Variants in FREM1 observed in about 807,000 individuals in gnomAD.
The protein encoded by FREM1 is FRAS1-related extracellular matrix protein 1.
In FREM1, 220 loss-of-function variants were observed where a neutral mutation model predicts 210.1. The observed-to-expected ratio is 1.05, with a 90% CI of 0.94 to 1.17. The LOEUF is 1.17. Among genes scored for constraint, FREM1 ranks in the 50% most tolerant of loss-of-function variants. The pLI is 0.00. For missense variants in FREM1, 3,454 were observed against 2,675.5 expected, an observed-to-expected ratio of 1.29 and a Z score of -6.42; for synonymous variants, 1,189 against 980.2, an observed-to-expected ratio of 1.21 and a Z score of -3.98.
intron 13 of FREM1, among the ~76,000 whole-genome samples, chr9:14,821,214 T>C (rs2130756476): frequency 6.6e-6 from 1 of 152,286 alleles, no homozygotes; most frequent in East Asian, 1.9e-4. Context: ...CTGAAGCTGC[T>C]AATTTAATTT....
At chr9:14,857,770 T>C in intron 4 of FREM1, 21 bp from the exon 5 acceptor site, 1 of 1,532,494 alleles carries the variant, frequency 6.5e-7, no homozygotes, top group Non-Finnish European at 8.8e-7. Flanking sequence ...CAGCACTGGA[T>C]TAAGAGAGTC....
intron 6 of FREM1, among the ~76,000 whole-genome samples, chr9:14,850,734 A>T (rs1313433227): frequency 1.3e-5 from 2 of 152,160 alleles, no homozygotes; most frequent in East Asian, 3.8e-4. Context: ...CACCAAAAAA[A>T]TTTTGTTAAA....
intron 1 of FREM1, among the ~76,000 whole-genome samples, chr9:14,908,665 G>T (rs1206792485): frequency 1.3e-5 from 2 of 152,166 alleles, no homozygotes; most frequent in Admixed American, 6.5e-5. Context: ...TCAAACTCAG[G>T]TTTCTTATTT....
rs570025888 is a variant in FREM1, at chr9:14,857,735, G to C, written c.646C>G (p.Leu216Val). Residue 216 changes from leucine (L) to valine (V), a missense_variant, in exon 5 of 37, where the codon CTG becomes GTG. Transcript: ENST00000380880. ...FFPESQLRAK[L>V]KCPGGSCTPG... ...GTACAGCTCCCACCTGGACACTTCA[G>C]TTTTGCTCTCAGTTCTAGAATGTAC... The C allele has an allele frequency of 8.1e-6, 13 of 1,603,716 alleles. No homozygotes were observed. The African/African-American group carries it at 1.1e-4, about 13-fold the overall frequency.
chr9:14,802,705 C>G (rs1207183602), intron 19 of FREM1, among the ~76,000 whole-genome samples: 1 of 152,180 alleles, frequency 6.6e-6, no homozygotes, highest in South Asian at 2.1e-4. Flanking sequence ...TGAAATATAG[C>G]AAAATCTAAA....
intron 1 of FREM1, among the ~76,000 whole-genome samples, chr9:14,869,469 C>T (rs932164914): frequency 6.6e-5 from 10 of 152,182 alleles, no homozygotes; most frequent in African/African-American, 2.2e-4. Flanking sequence ...ATACCGCTTC[C>T]GGACTTGACA....
intron 24 of FREM1, among the ~76,000 whole-genome samples, chr9:14,777,336 A>G (rs1434874190): frequency 6.6e-6 from 1 of 152,208 alleles, no homozygotes; most frequent in African/African-American, 2.4e-5. Flanking sequence ...AATAAGATTA[A>G]GAGTATCATG....
intron 22 of FREM1, among the ~76,000 whole-genome samples, 152 bp downstream of exon 22, chr9:14,792,591 A>G (rs182535033): frequency 2.4e-4 from 36 of 152,348 alleles, no homozygotes; most frequent in African/African-American, 7.2e-4. Flanking sequence ...TTAGAACAGC[A>G]TGAATTCACC....
chr9:14,871,120 T>C (rs1488530539), intron 1 of FREM1, among the ~76,000 whole-genome samples: 3 of 152,174 alleles, frequency 2.0e-5, no homozygotes, highest in Admixed American at 2.0e-4. Flanking sequence ...AACATACGTG[T>C]GCATGTGTCT....
At chr9:14,800,391 C>G (rs1284883557) in intron 20 of FREM1, among the ~76,000 whole-genome samples, 1 of 152,122 alleles carries the variant, frequency 6.6e-6, no homozygotes, top group East Asian at 1.9e-4. Flanking sequence ...ACACTTTTCT[C>G]AGATTTTTAA....
Position 14,750,294 on chromosome 9 carries a change from T to A in FREM1, c.5408-18A>T, listed in dbSNP as rs771708889. On this transcript the variant is annotated intron_variant, in intron 29 of 36. Coordinates refer to ENST00000380880, the MANE Select transcript of FREM1 (RefSeq NM_001379081.2). The stretch of plus-strand genomic sequence containing the variant: ...TGACATTCCTACAAGAAGTAAACAT[T>A]TTAATTACTCTTTAATTGCTATTTC... 1.3e-6 allele frequency: 2 copies of A among 1,583,302 alleles called. No homozygotes were observed.
chr9:14,763,578 T>C (rs1845884053), intron 27 of FREM1, among the ~76,000 whole-genome samples: 2 of 152,182 alleles, frequency 1.3e-5, no homozygotes, highest in African/African-American at 2.4e-5. Flanking sequence ...AGACATGGCA[T>C]GGAGCAGTGG....
chr9:14,796,402 T>C (rs1275964880), intron 21 of FREM1, among the ~76,000 whole-genome samples: 1 of 152,228 alleles, frequency 6.6e-6, no homozygotes, highest in Non-Finnish European at 1.5e-5. Context: ...CTCTGTTCAG[T>C]TCTGTAGACT....
intron 19 of FREM1, among the ~76,000 whole-genome samples, chr9:14,804,579 C>T (rs1818010380): frequency 6.6e-6 from 1 of 152,066 alleles, no homozygotes; most frequent in Non-Finnish European, 1.5e-5. Context: ...AGCGGGACTC[C>T]ATCTCAAAAA....
At chr9:14,907,032 C>T (rs1817837279) in intron 1 of FREM1, among the ~76,000 whole-genome samples, 1 of 152,194 alleles carries the variant, frequency 6.6e-6, no homozygotes, top group Admixed American at 6.5e-5. Flanking sequence ...ATATCATCAC[C>T]TCCATAAATA....
intron 36 of FREM1, among the ~76,000 whole-genome samples, chr9:14,738,869 G>C (rs896261399): frequency 6.6e-6 from 1 of 151,744 alleles, no homozygotes. Flanking sequence ...ACTTAGCCAG[G>C]TGTGGTAGTG....
At chr9:14,879,157 C>CAA (rs78563904) in intron 1 of FREM1, among the ~76,000 whole-genome samples, 4,004 of 104,366 alleles carry the variant, frequency 0.038, 229 homozygotes, top group African/African-American at 0.11. Context: ...GATTCCGTCT[C>CAA]AAAAAAAAAA....
chr9:14,901,292 CT>C (rs1246507199), intron 1 of FREM1, among the ~76,000 whole-genome samples: 4 of 152,206 alleles, frequency 2.6e-5, no homozygotes, highest in African/African-American at 7.2e-5. Flanking sequence ...TTTAAACCTT[CT>C]GATCTGTAAA....
chr9:14,822,716 G>A (rs1046075395), intron 13 of FREM1, among the ~76,000 whole-genome samples: 3 of 152,194 alleles, frequency 2.0e-5, no homozygotes, highest in South Asian at 2.1e-4. Context: ...AGGGCAGTGG[G>A]GCAAAGTATG....
Sources: allele counts gnomAD v4.1 joint callset (sites outside exome capture counted in the v4.1 genomes callset), GRCh38; gene constraint gnomAD v4.1.1; transcripts MANE v1.5; gene names NCBI Gene and HGNC (gene_info 2026-07-23, HGNC 2026-07-21).